The following TC2N variants were observed in gnomAD, a reference collection of about 807,000 sequenced individuals.
The protein encoded by TC2N is tandem C2 domains nuclear protein.
TC2N carries 51 observed loss-of-function variants against 61.9 expected under a neutral mutation model. The ratio of observed to expected loss-of-function variants is 0.82; its 90% confidence interval spans 0.66 to 1.04. The LOEUF (loss-of-function observed/expected upper bound fraction) is 1.04, where lower values mean the gene tolerates loss of function less well. Among genes scored for constraint, TC2N ranks in the 50% least tolerant of loss-of-function variants. TC2N has a pLI of 0.00. For missense variants in TC2N, 556 were observed against 566.7 expected (o/e 0.98, Z 0.19); for synonymous variants, 204 against 192.6 (o/e 1.06, Z -0.49).
intron 1 of TC2N, among the ~76,000 whole-genome samples, chr14:91,853,121 T>C (rs1202667510): frequency 6.6e-6 from 1 of 151,944 alleles, no homozygotes; most frequent in Non-Finnish European, 1.5e-5. Flanking sequence ...ACATGGCTGT[T>C]ATTAAACATT....
At position 91,792,532 on chromosome 14, in the gene TC2N, T is replaced by C. The variant is rs1043542934; in HGVS notation, c.882A>G (p.Val294=). 6.4e-7 allele frequency: 1 copy of C among 1,569,562 alleles called. No homozygotes were observed. The highest frequency in any genetic ancestry group is 8.7e-7 in the Non-Finnish European group (1 of 1,155,214). The change falls in exon 9 of 12, where the codon GTA becomes GTG. Residue 294 remains valine (V), a synonymous_variant. Transcript: ENST00000435962. ...GTAGATTTTGAAGTTTAATAGCAAA[T>C]ACAAACGTTTCCATAAATTCAATAG... ...SNAIEFMETF[V]FAIKLQNLQT...
chr14:91,786,781 T>C (rs772286198), intron 10 of TC2N, among the ~76,000 whole-genome samples: 8 of 152,240 alleles, frequency 5.3e-5, no homozygotes, highest in Non-Finnish European at 1.2e-4. Flanking sequence ...TAGATGTGTC[T>C]ATTTTAATGA....
At chr14:91,861,167 G>T (rs1324693734) in intron 1 of TC2N, among the ~76,000 whole-genome samples, 1 of 152,208 alleles carries the variant, frequency 6.6e-6, no homozygotes, top group Non-Finnish European at 1.5e-5. Context: ...GAAGGAAATT[G>T]ATTCTAGGAT....
chr14:91,821,034 C>T (rs192510605), intron 1 of TC2N, among the ~76,000 whole-genome samples: 20 of 151,954 alleles, frequency 1.3e-4, no homozygotes, highest in Admixed American at 7.9e-4. Flanking sequence ...ATTAATATTG[C>T]TAAGGTGGCA....
At chr14:91,801,436 T>C (rs1886244202) in intron 4 of TC2N, among the ~76,000 whole-genome samples, 1 of 152,200 alleles carries the variant, frequency 6.6e-6, no homozygotes, top group South Asian at 2.1e-4. Context: ...GGAGGATTGC[T>C]TCAGCCCAGG....
At chr14:91,801,676 A>AAACAAC (rs749445229) in intron 4 of TC2N, among the ~76,000 whole-genome samples, 73 of 152,342 alleles carry the variant, frequency 4.8e-4, no homozygotes, top group African/African-American at 1.7e-3. Flanking sequence ...CTCTGTCTCA[A>AAACAAC]AACAACAACA....
chr14:91,866,633 A>T (rs1006151217), intron 1 of TC2N: 1 of 152,148 alleles, frequency 6.6e-6, no homozygotes, highest in Non-Finnish European at 1.5e-5. Flanking sequence ...GACCTGATGG[A>T]GTGGTACAAA....
chr14:91,831,871 T>C (rs1000584306), intron 1 of TC2N, among the ~76,000 whole-genome samples: 2 of 152,138 alleles, frequency 1.3e-5, no homozygotes, highest in African/African-American at 2.4e-5. Context: ...TTTTATAATC[T>C]CAGGGAAGGT....
At chr14:91,816,134 A>G (rs1595250250) in intron 1 of TC2N, among the ~76,000 whole-genome samples, 1 of 151,768 alleles carries the variant, frequency 6.6e-6, no homozygotes, top group East Asian at 1.9e-4. Context: ...TATCTGTAAG[A>G]TAGATTCCTA....
At chr14:91,864,389 G>GT (rs1449896850) in intron 1 of TC2N, among the ~76,000 whole-genome samples, 16 of 152,080 alleles carry the variant, frequency 1.1e-4, no homozygotes, top group Non-Finnish European at 1.9e-4. Context: ...GGCTTTTTTG[G>GT]TAAGTTTTCA....
intron 1 of TC2N, among the ~76,000 whole-genome samples, chr14:91,814,878 G>A (rs1886941732): frequency 6.6e-6 from 1 of 151,550 alleles, no homozygotes; most frequent in Non-Finnish European, 1.5e-5. Flanking sequence ...AACTATGTCA[G>A]GTAATGCAGA....
intron 8 of TC2N, among the ~76,000 whole-genome samples, chr14:91,793,450 T>A (rs927832072): frequency 6.6e-5 from 10 of 152,244 alleles, no homozygotes; most frequent in African/African-American, 2.4e-4. Flanking sequence ...TTACATTTTT[T>A]AAAAATTGAA....
intron 1 of TC2N, among the ~76,000 whole-genome samples, chr14:91,827,650 T>C (rs1031338880): frequency 1.3e-4 from 20 of 152,320 alleles, no homozygotes; most frequent in African/African-American, 4.3e-4. Context: ...GTAAAGTCAC[T>C]TTTTCCATGT....
chr14:91,848,539 A>G (rs1211102599), intron 1 of TC2N, among the ~76,000 whole-genome samples: 1 of 152,202 alleles, frequency 6.6e-6, no homozygotes, highest in East Asian at 1.9e-4. Context: ...AGGAAAATGC[A>G]CTATCCAACT....
intron 1 of TC2N, among the ~76,000 whole-genome samples, chr14:91,823,098 A>C (rs1887331934): frequency 6.6e-6 from 1 of 152,242 alleles, no homozygotes; most frequent in South Asian, 2.1e-4. Flanking sequence ...ATCGATTTCA[A>C]GTATATGTAA....
chr14:91,787,198 A>T (rs1050984378), intron 10 of TC2N, among the ~76,000 whole-genome samples: 23 of 152,178 alleles, frequency 1.5e-4, no homozygotes, highest in African/African-American at 5.1e-4. Context: ...ACAGACCTAG[A>T]GAGAGGATAA....
intron 4 of TC2N, 41 bp downstream of exon 4, chr14:91,802,213 A>G (rs2139845922): frequency 6.8e-7 from 1 of 1,460,486 alleles, no homozygotes; most frequent in Non-Finnish European, 9.1e-7. Flanking sequence ...AAATTTCTTA[A>G]AGAGAAACAC....
chr14:91,826,179 G>A (rs928161158), intron 1 of TC2N, among the ~76,000 whole-genome samples: 6 of 151,962 alleles, frequency 3.9e-5, no homozygotes, highest in African/African-American at 1.5e-4. Flanking sequence ...AATTAGCCAG[G>A]CATAGTAGTG....
intron 10 of TC2N, among the ~76,000 whole-genome samples, chr14:91,786,342 T>G (rs72705309): frequency 0.021 from 3,171 of 152,318 alleles, 48 homozygotes; most frequent in Non-Finnish European, 0.031. Context: ...TAATTACTTT[T>G]TGTGTGTGCT....
Sources: gnomAD v4.1 joint callset for allele counts (sites outside exome capture counted in the v4.1 genomes callset) on GRCh38, gnomAD v4.1.1 for gene constraint, MANE v1.5 for transcripts, NCBI Gene and HGNC (gene_info 2026-07-23, HGNC 2026-07-21) for gene names.